NLK: variants seen among roughly 807,000 people sequenced by gnomAD.
The protein encoded by NLK is nemo like kinase.
NLK carries 11 observed loss-of-function variants against 59.0 expected under a neutral mutation model. The ratio of observed to expected loss-of-function variants is 0.19; its 90% CI spans 0.12 to 0.31. NLK has a LOEUF of 0.31. Ranked by LOEUF, NLK falls within the 10% of genes least tolerant of loss-of-function variation. The pLI, the probability that NLK is intolerant of heterozygous loss-of-function variation, is 1.00. For synonymous variants in NLK, 235 were observed against 235.9 expected (o/e 1.00, Z 0.03); for missense variants, 410 against 661.1 (o/e 0.62, Z 4.16).
At chr17:28,106,703 A>G (rs567592638) in intron 1 of NLK, among the ~76,000 whole-genome samples, 4 of 152,338 alleles carry the variant, frequency 2.6e-5, no homozygotes, top group East Asian at 1.9e-4. Context: ...TTATGGTGCA[A>G]TGAAATTGGA....
chr17:28,121,393 A>G (rs1327503010), intron 1 of NLK, among the ~76,000 whole-genome samples: 196 of 27,400 alleles, frequency 7.2e-3, no homozygotes, highest in East Asian at 0.01. Context: ...GAAGGGGGGA[A>G]AAAAAAAAAA....
At chr17:28,144,990 T>C (rs528378491) in intron 3 of NLK, among the ~76,000 whole-genome samples, 18 of 152,358 alleles carry the variant, frequency 1.2e-4, no homozygotes, top group South Asian at 4.1e-4. Context: ...ATTTATGTGC[T>C]GCTTGTATTA....
At chr17:28,110,879 C>G (rs1346206976) in intron 1 of NLK, among the ~76,000 whole-genome samples, 2 of 151,744 alleles carry the variant, frequency 1.3e-5, no homozygotes, top group East Asian at 1.9e-4. Flanking sequence ...GAGTCTCGCT[C>G]TGTCGCCCAG....
At position 28,043,017 on chromosome 17, in the gene NLK, C is replaced by T. The variant is rs1350715668; in HGVS notation, c.144C>T (p.His48=). ...LPPPHLHHHH[H]PQHHLHPGSA... The stretch of plus-strand genomic sequence containing the variant: ...CTCCTCACCTGCACCACCACCACCA[C>T]CCTCAACACCATCTTCATCCGGGGT... The change falls in exon 1 of 11, where the codon CAC becomes CAT. Residue 48 remains histidine (H), a synonymous_variant. Transcript: ENST00000407008. 3 of 1,556,372 alleles carry T rather than the reference C, an allele frequency of 1.9e-6. No homozygotes were observed. Among genetic ancestry groups the T allele is most frequent in the Non-Finnish European group, 1.7e-6 (2 of 1,149,344 alleles).
rs561981498 is a variant in NLK at position 28,127,339 on chromosome 17, C to T, written c.588+4607C>T. Among the ~76,000 whole-genome samples the T allele has an allele frequency of 5.9e-4, 90 of 152,298 alleles. 1 individual carries two copies. Among genetic ancestry groups the T allele is most frequent in the African/African-American group, 1.9e-3 (77 of 41,562 alleles). On this transcript the variant is annotated intron_variant, in intron 2 of 10. Coordinates refer to ENST00000407008, the MANE Select transcript of NLK (RefSeq NM_016231.5). Reference sequence around the variant, plus strand: ...TTTGTATAGTCTGACCTAACTCATACAACACCCCTTTGGGTTCATAAGTAG... The same window carrying T: ...TTTGTATAGTCTGACCTAACTCATATAACACCCCTTTGGGTTCATAAGTAG...
At position 28,042,712 on chromosome 17, in the gene NLK, C is replaced by G. The variant is rs1908891431; in HGVS notation, c.-162C>G. ...CCCACACCCTTCCACACACGCTCACCCCAAAATTAAACACCAAGATCCTCT... is the reference window on the plus strand; with the variant it reads ...CCCACACCCTTCCACACACGCTCACGCCAAAATTAAACACCAAGATCCTCT... On this transcript the variant is annotated 5_prime_UTR_variant, in exon 1 of 11. Transcript: ENST00000407008. The G allele has an allele frequency of 3.2e-6, 2 of 623,280 alleles. No homozygotes were observed. The highest frequency in any genetic ancestry group is 3.8e-5 in the African/African-American group (2 of 53,202). 38.6% of individuals were successfully genotyped at this position (623,280 alleles called of 1,614,324 possible).
At chr17:28,104,931 T>C (rs755751736) in intron 1 of NLK, among the ~76,000 whole-genome samples, 1 of 152,344 alleles carries the variant, frequency 6.6e-6, no homozygotes, top group African/African-American at 2.4e-5. Context: ...GGTTTTCTTA[T>C]GGCCACCTTC....
chr17:28,189,350 A>G (rs148383495), intron 8 of NLK, among the ~76,000 whole-genome samples: 11 of 152,304 alleles, frequency 7.2e-5, no homozygotes, highest in Admixed American at 7.2e-4. Context: ...TGGAGTAAAA[A>G]TATTGTTGAA....
intron 1 of NLK, among the ~76,000 whole-genome samples, chr17:28,071,108 A>G (rs2142756943): frequency 6.6e-6 from 1 of 152,284 alleles, no homozygotes; most frequent in Non-Finnish European, 1.5e-5. Context: ...GCTAGTAGCC[A>G]CTCAGTAGGT....
At chr17:28,137,304 T>A (rs1567724453) in intron 3 of NLK, among the ~76,000 whole-genome samples, 1 of 152,192 alleles carries the variant, frequency 6.6e-6, no homozygotes, top group Non-Finnish European at 1.5e-5. Context: ...TCTTAGTATA[T>A]CGTTATACAT....
At chr17:28,084,067 G>A (rs987924698) in intron 1 of NLK, among the ~76,000 whole-genome samples, 3 of 152,292 alleles carry the variant, frequency 2.0e-5, no homozygotes, top group Non-Finnish European at 4.4e-5. Context: ...AGAAGACTAA[G>A]GCCCACTTGA....
chr17:28,179,760 A>G (rs1163937403), intron 7 of NLK, among the ~76,000 whole-genome samples: 4 of 150,520 alleles, frequency 2.7e-5, no homozygotes, highest in East Asian at 2.0e-4. Flanking sequence ...TAAGTTGCCT[A>G]GTCTCAACTT....
intron 1 of NLK, among the ~76,000 whole-genome samples, chr17:28,120,232 TGG>T (rs899024656): frequency 1.1e-3 from 137 of 122,236 alleles, no homozygotes; most frequent in African/African-American, 3.5e-3. Context: ...AGATTTGGCT[TGG>T]GGTGTGTGTG....
intron 1 of NLK, among the ~76,000 whole-genome samples, chr17:28,067,183 T>G (rs1909856265): frequency 6.6e-6 from 1 of 152,234 alleles, no homozygotes; most frequent in African/African-American, 2.4e-5. Flanking sequence ...ACCCAGGTCA[T>G]GAAGAATTCT....
intron 5 of NLK, among the ~76,000 whole-genome samples, chr17:28,164,709 G>A (rs974638740): frequency 6.6e-5 from 10 of 152,096 alleles, no homozygotes; most frequent in Non-Finnish European, 2.9e-5. Context: ...TTGGAAATAA[G>A]GGCCTTTAAC....
intron 1 of NLK, among the ~76,000 whole-genome samples, chr17:28,096,992 G>A (rs1001040474): frequency 1.3e-5 from 2 of 152,102 alleles, no homozygotes; most frequent in Admixed American, 6.5e-5. Context: ...TTATCCAGCT[G>A]TGTCATTTAT....
intron 1 of NLK, among the ~76,000 whole-genome samples, chr17:28,058,348 G>T (rs543897131): frequency 6.6e-6 from 1 of 152,176 alleles, no homozygotes; most frequent in Non-Finnish European, 1.5e-5. Flanking sequence ...GTCTCTGTAG[G>T]TGGGCAAACT....
At chr17:28,110,414 G>A (rs1387143236) in intron 1 of NLK, among the ~76,000 whole-genome samples, 1 of 149,396 alleles carries the variant, frequency 6.7e-6, no homozygotes, top group Non-Finnish European at 1.5e-5. Flanking sequence ...GTTTTTCTTT[G>A]ACTTGAATTG....
intron 1 of NLK, among the ~76,000 whole-genome samples, chr17:28,113,082 T>C (rs1052284050): frequency 6.6e-6 from 1 of 152,182 alleles, no homozygotes; most frequent in Non-Finnish European, 1.5e-5. Context: ...ATTATACAGG[T>C]TTAAGCTAAA....
Sources: gnomAD v4.1 joint callset for allele counts (sites outside exome capture counted in the v4.1 genomes callset) on GRCh38, gnomAD v4.1.1 for gene constraint, MANE v1.5 for transcripts, NCBI Gene and HGNC (gene_info 2026-07-23, HGNC 2026-07-21) for gene names.